Variants in RPRD1A observed in about 807,000 individuals in gnomAD.
RPRD1A encodes regulation of nuclear pre-mRNA domain-containing protein 1A.
Under a neutral mutation model 37.8 loss-of-function variants are expected in RPRD1A, and 9 were observed. The observed-to-expected ratio is 0.24, with a 90% CI of 0.14 to 0.42. The LOEUF (loss-of-function observed/expected upper bound fraction) is 0.42. Among genes scored for constraint, RPRD1A ranks in the 10% least tolerant of loss-of-function variants. RPRD1A has a pLI of 1.00. For missense variants in RPRD1A, 255 were observed against 371.0 expected (o/e 0.69, Z 2.57); for synonymous variants, 138 against 139.7 (o/e 0.99, Z 0.08).
At chr18:36,017,793 C>T (rs1910695391) in intron 6 of RPRD1A, among the ~76,000 whole-genome samples, 1 of 152,148 alleles carries the variant, frequency 6.6e-6, no homozygotes, top group African/African-American at 2.4e-5. Flanking sequence ...CTCTCTGTTA[C>T]ATACTTTAAC....
intron 6 of RPRD1A, among the ~76,000 whole-genome samples, chr18:36,014,345 G>C (rs1245344677): frequency 6.6e-6 from 1 of 152,144 alleles, no homozygotes; most frequent in African/African-American, 2.4e-5. Context: ...CCAGTAAAAA[G>C]TCAGTTAGAT....
chr18:36,052,019 G>A (rs1365278311), intron 1 of RPRD1A, among the ~76,000 whole-genome samples: 1 of 151,858 alleles, frequency 6.6e-6, no homozygotes, highest in Non-Finnish European at 1.5e-5. Context: ...CCCACACTAA[G>A]ACACATTATA....
chr18:36,028,497 C>T (rs1295574011), intron 4 of RPRD1A, among the ~76,000 whole-genome samples: 1 of 152,138 alleles, frequency 6.6e-6, no homozygotes, highest in Non-Finnish European at 1.5e-5. Context: ...TTAGAAAATT[C>T]TAATTGTCTG....
intron 6 of RPRD1A, among the ~76,000 whole-genome samples, chr18:36,021,911 G>A (rs1360621482): frequency 3.9e-5 from 6 of 152,154 alleles, no homozygotes; most frequent in Non-Finnish European, 8.8e-5. Flanking sequence ...TGAAGTGGAA[G>A]GATTGCTAGA....
intron 6 of RPRD1A, among the ~76,000 whole-genome samples, chr18:36,004,183 C>T (rs1909597448): frequency 6.6e-6 from 1 of 151,628 alleles, no homozygotes; most frequent in South Asian, 2.1e-4. Context: ...GGGTTAAATA[C>T]ATTTATATGA....
chr18:36,043,207 G>GGGGGGAA (rs1912718138), intron 1 of RPRD1A, among the ~76,000 whole-genome samples: 3 of 108,474 alleles, frequency 2.8e-5, no homozygotes, highest in Non-Finnish European at 3.8e-5. Flanking sequence ...GGGGGGGGGG[G>GGGGGGAA]AAGAAGGGGA....
At chr18:36,050,711 A>T (rs905628811) in intron 1 of RPRD1A, among the ~76,000 whole-genome samples, 20 of 143,258 alleles carry the variant, frequency 1.4e-4, no homozygotes. Context: ...TAATTTTTGT[A>T]TTTTTTTTTT....
At chr18:36,040,603 G>A (rs546053710) in intron 1 of RPRD1A, among the ~76,000 whole-genome samples, 15 of 152,138 alleles carry the variant, frequency 9.9e-5, no homozygotes, top group Non-Finnish European at 2.1e-4. Flanking sequence ...ATGAAATCTA[G>A]AAGTAGGTAA....
At chr18:36,008,568 CTTGT>C (rs1169093720) in intron 6 of RPRD1A, among the ~76,000 whole-genome samples, 11 of 12,296 alleles carry the variant, frequency 8.9e-4, no homozygotes, top group Admixed American at 5.0e-3. Context: ...ACAGCAAGAC[CTTGT>C]GTGTGTATAT....
At chr18:36,055,702 T>G (rs1913714775) in intron 1 of RPRD1A, among the ~76,000 whole-genome samples, 1 of 152,154 alleles carries the variant, frequency 6.6e-6, no homozygotes, top group African/African-American at 2.4e-5. Context: ...ATTCTAGAAT[T>G]TATATAGAGA....
At chr18:36,043,828 T>TA (rs1411129901) in intron 1 of RPRD1A, among the ~76,000 whole-genome samples, 3 of 152,130 alleles carry the variant, frequency 2.0e-5, no homozygotes, top group Admixed American at 1.3e-4. Context: ...AAACAATTAT[T>TA]AAAGTACAGT....
At chr18:36,008,575 G>GTA (rs201194752) in intron 6 of RPRD1A, among the ~76,000 whole-genome samples, 6 of 42,370 alleles carry the variant, frequency 1.4e-4, no homozygotes, top group African/African-American at 4.3e-4. Context: ...GACCTTGTGT[G>GTA]TGTATATATA....
intron 6 of RPRD1A, among the ~76,000 whole-genome samples, chr18:36,004,355 A>G (rs1909609347): frequency 6.6e-6 from 1 of 151,848 alleles, no homozygotes; most frequent in South Asian, 2.1e-4. Flanking sequence ...CCTGCGCTCA[A>G]ATGATCCTCC....
Position 36,033,704 on chromosome 18 carries a change from A to G in RPRD1A, c.281+4T>C. 2.5e-6 allele frequency: 4 copies of G among 1,606,102 alleles called. No individual in the cohort carries two copies. The highest frequency in any genetic ancestry group is 3.4e-6 in the Non-Finnish European group (4 of 1,176,740). On this transcript the variant is annotated splice_donor_region_variant and intron_variant, in intron 2 of 6. Transcript: ENST00000399022. ...TTACCTAATACCCAAAACTATGATC[A>G]TACCTTGAAACATGCTTAAAAGCCT...
At chr18:36,053,037 G>A (rs1188334781) in intron 1 of RPRD1A, 3 of 152,152 alleles carry the variant, frequency 2.0e-5, no homozygotes, top group African/African-American at 7.2e-5. Flanking sequence ...CTTCCCAGGA[G>A]AGACTATAAA....
At chr18:36,063,230 G>A (rs894178714) in intron 1 of RPRD1A, among the ~76,000 whole-genome samples, 4 of 151,880 alleles carry the variant, frequency 2.6e-5, no homozygotes, top group Non-Finnish European at 4.4e-5. Flanking sequence ...TGTCGCCCAG[G>A]TTGGAGTGCA....
In RPRD1A at chr18:36,014,206, A is replaced by C. The variant is rs1910353658; in HGVS notation, c.789+12694T>G. 2.0e-5 allele frequency among the ~76,000 whole-genome samples: 3 copies of C among 152,212 alleles called. 1 individual carries two copies. The South Asian group carries it at 6.2e-4, about 32-fold the overall frequency. ...AAATAAACAAATAAAAAAGCATATA[A>C]ATTTCTAGCAATTGTCCAGAAGATA... On this transcript the variant is annotated intron_variant, in intron 6 of 6. Transcript: ENST00000399022.
At chr18:36,036,290 T>G (rs1912190199) in intron 1 of RPRD1A, among the ~76,000 whole-genome samples, 1 of 152,008 alleles carries the variant, frequency 6.6e-6, no homozygotes, top group Admixed American at 6.6e-5. Context: ...CCCAGGCTGG[T>G]CTTGAACTCC....
At chr18:36,053,103 T>G (rs911752828) in intron 1 of RPRD1A, among the ~76,000 whole-genome samples, 3 of 151,396 alleles carry the variant, frequency 2.0e-5, no homozygotes, top group African/African-American at 2.4e-5. Context: ...AGAGGAGAAA[T>G]AGAGAAAAGA....
Sources: allele counts gnomAD v4.1 joint callset (sites outside exome capture counted in the v4.1 genomes callset), GRCh38; gene constraint gnomAD v4.1.1; transcripts MANE v1.5; gene names NCBI Gene and HGNC (gene_info 2026-07-23, HGNC 2026-07-21).